Variants in MAST2 observed in about 807,000 individuals in gnomAD.
MAST2 encodes the protein microtubule-associated serine/threonine-protein kinase 2.
MAST2 carries 70 observed loss-of-function variants against 147.4 expected under a neutral mutation model. The observed-to-expected ratio is 0.47, with a 90% CI of 0.39 to 0.58. The LOEUF (loss-of-function observed/expected upper bound fraction) is 0.58. MAST2 is among the 20% of genes least tolerant of loss of function. MAST2 has a pLI of 0.00. For synonymous variants in MAST2, 869 were observed against 896.8 expected, an observed-to-expected ratio of 0.97 and a Z score of 0.55; for missense variants, 2,080 against 2,302.3, an observed-to-expected ratio of 0.90 and a Z score of 1.98.
intron 4 of MAST2, among the ~76,000 whole-genome samples, chr1:45,953,783 A>G (rs942364689): frequency 5.9e-5 from 9 of 152,222 alleles, no homozygotes; most frequent in Non-Finnish European, 7.4e-5. Flanking sequence ...TGCTCATATT[A>G]AGAACAGATT....
intron 5 of MAST2, among the ~76,000 whole-genome samples, chr1:45,967,327 A>C (rs10890379): frequency 0.8 from 121,227 of 152,086 alleles, 48,792 homozygotes; most frequent in East Asian, 0.98. Flanking sequence ...GGCTCAGCCT[A>C]CCAAAGTGCT....
chr1:45,987,928 T>TA (rs928585012), intron 5 of MAST2, among the ~76,000 whole-genome samples: 1 of 151,840 alleles, frequency 6.6e-6, no homozygotes, highest in African/African-American at 2.4e-5. Context: ...TCCTTTCTAA[T>TA]ATAGTGTAGT....
chr1:45,984,695 A>C (rs1644545390), intron 5 of MAST2, among the ~76,000 whole-genome samples: 1 of 152,184 alleles, frequency 6.6e-6, no homozygotes, highest in African/African-American at 2.4e-5. Flanking sequence ...TTTTAAAAAT[A>C]AGAGCCATCT....
At chr1:45,917,388 C>G in intron 4 of MAST2, 1 of 1,366,548 alleles carries the variant, frequency 7.3e-7, no homozygotes, top group Non-Finnish European at 9.8e-7. Context: ...CATGTTTTCA[C>G]CCACATCTGC....
chr1:45,841,633 A>C (rs1012227440), intron 3 of MAST2, among the ~76,000 whole-genome samples: 12 of 152,274 alleles, frequency 7.9e-5, no homozygotes, highest in African/African-American at 2.9e-4. Flanking sequence ...AGAACCCGGC[A>C]GTGGAGAGTG....
chr1:45,996,250 C>T (rs1645053435), intron 5 of MAST2, among the ~76,000 whole-genome samples: 1 of 151,886 alleles, frequency 6.6e-6, no homozygotes, highest in South Asian at 2.1e-4. Context: ...CTCCTTGAGG[C>T]TTTAGCTGGG....
chr1:46,023,118 T>A lies in MAST2; in HGVS notation c.1486-115T>A, dbSNP rs2149295541. On this transcript the variant is annotated intron_variant, in intron 13 of 28. Coordinates refer to ENST00000361297, the MANE Select transcript of MAST2 (RefSeq NM_015112.3). The surrounding 1 kb of genome is among the most constrained non-coding windows in gnomAD (Gnocchi z 4.9). Reference sequence around the variant, plus strand: ...AGAAGTCATTCTACTCCCAGAAGAATGAGCAGGAGACTGCACTAGAGCTGA... The same window carrying A: ...AGAAGTCATTCTACTCCCAGAAGAAAGAGCAGGAGACTGCACTAGAGCTGA... 1 of 1,203,724 alleles carries A rather than the reference T, an allele frequency of 8.3e-7. No individual in the cohort carries two copies. Among genetic ancestry groups the A allele is most frequent in the East Asian group, 2.3e-5 (1 of 42,812 alleles). 74.6% of individuals were successfully genotyped at this position (1,203,724 alleles called of 1,614,324 possible). A position where few individuals can be genotyped will look rare whatever the true frequency, so the allele number is the denominator to read the frequency against.
At chr1:45,833,266 T>C (rs931630353) in intron 3 of MAST2, among the ~76,000 whole-genome samples, 9 of 152,316 alleles carry the variant, frequency 5.9e-5, no homozygotes, top group African/African-American at 1.7e-4. Flanking sequence ...TTCCCATATA[T>C]GTAGAAATCA....
At chr1:45,903,847 C>G (rs1307455961) in intron 4 of MAST2, among the ~76,000 whole-genome samples, 3 of 152,170 alleles carry the variant, frequency 2.0e-5, no homozygotes, top group Non-Finnish European at 4.4e-5. Context: ...AGACCCTAAG[C>G]AAGGACCCAG....
chr1:45,995,662 C>T (rs1464777243), intron 5 of MAST2, among the ~76,000 whole-genome samples: 2 of 152,168 alleles, frequency 1.3e-5, no homozygotes, highest in African/African-American at 4.8e-5. Context: ...CTCAAGTGAT[C>T]GCCCTCCTCA....
intron 4 of MAST2, among the ~76,000 whole-genome samples, chr1:45,933,235 A>AG (rs1484696705): frequency 0.087 from 5,120 of 58,976 alleles, 338 homozygotes; most frequent in South Asian, 0.17. Context: ...TAAAAAAAAA[A>AG]AGCGGGGGGG....
At chr1:45,991,253 A>C (rs1644845881) in intron 5 of MAST2, among the ~76,000 whole-genome samples, 1 of 152,104 alleles carries the variant, frequency 6.6e-6, no homozygotes, top group African/African-American at 2.4e-5. Flanking sequence ...TGATTTATGT[A>C]TCTGTTCTTC....
chr1:46,013,421 C>T (rs939321463), intron 10 of MAST2, among the ~76,000 whole-genome samples: 1 of 152,128 alleles, frequency 6.6e-6, no homozygotes, highest in Non-Finnish European at 1.5e-5. Context: ...TGGCTCACTC[C>T]TGTAATCCCA....
chr1:45,940,065 C>T (rs567906670), intron 4 of MAST2, among the ~76,000 whole-genome samples: 21 of 138,306 alleles, frequency 1.5e-4, no homozygotes, highest in South Asian at 7.3e-4. Context: ...CTCACTGCAG[C>T]ATCCACACCA....
intron 4 of MAST2, among the ~76,000 whole-genome samples, chr1:45,886,548 A>G (rs1268884459): frequency 6.6e-6 from 1 of 152,078 alleles, no homozygotes; most frequent in African/African-American, 2.4e-5. Context: ...AAGCTATTTC[A>G]TATTTAAACC....
rs373083091 is a variant in MAST2, at chr1:45,826,891, C to T, written c.325+2311C>T. 1.1e-4 allele frequency among the ~76,000 whole-genome samples: 16 copies of T among 152,142 alleles called. No homozygotes were observed. The South Asian group carries it at 2.9e-3, about 28-fold the overall frequency. ...GTCACCAGGCTGGAATGCAGTGGCG[C>T]GATCTCGGCTCACTGAAACCTCCGC... is the stretch of plus-strand genomic sequence containing the variant. On this transcript the variant is annotated intron_variant, in intron 2 of 28. Coordinates refer to ENST00000361297, the MANE Select transcript of MAST2 (RefSeq NM_015112.3).
chr1:45,857,637 C>G (rs1238045529), intron 3 of MAST2, among the ~76,000 whole-genome samples: 1 of 152,092 alleles, frequency 6.6e-6, no homozygotes, highest in African/African-American at 2.4e-5. Flanking sequence ...TTCTAGGGTA[C>G]ATGTGCACAA....
intron 4 of MAST2, among the ~76,000 whole-genome samples, chr1:45,926,894 G>C (rs1354342328): frequency 6.6e-6 from 1 of 152,234 alleles, no homozygotes; most frequent in African/African-American, 2.4e-5. Context: ...TGTATGGCTA[G>C]ATGCCAAATG....
intron 5 of MAST2, 114 bp downstream of exon 5, chr1:45,959,591 C>A: frequency 2.4e-6 from 2 of 844,194 alleles, no homozygotes; most frequent in Non-Finnish European, 3.7e-6. Flanking sequence ...CTTTACTTGG[C>A]TGACTGAAGC....
Sources: allele counts gnomAD v4.1 joint callset (sites outside exome capture counted in the v4.1 genomes callset), GRCh38; gene constraint gnomAD v4.1.1; non-coding constraint Gnocchi (gnomAD v3.1); transcripts MANE v1.5; gene names NCBI Gene and HGNC (gene_info 2026-07-23, HGNC 2026-07-21).